The following SLC39A11 variants were observed in gnomAD, a reference collection of about 807,000 sequenced individuals.
SLC39A11 encodes zinc transporter ZIP11.
SLC39A11 carries 33 observed loss-of-function variants against 36.1 expected under a neutral mutation model. That is an observed-to-expected ratio of 0.91 (90% confidence interval 0.69 to 1.22). SLC39A11 has a LOEUF of 1.22. Among genes scored for constraint, SLC39A11 ranks in the 50% most tolerant of loss-of-function variants. SLC39A11 has a pLI of 0.00. For missense variants in SLC39A11, 432 were observed against 430.3 expected (o/e 1.00, Z -0.03); for synonymous variants, 166 against 170.3 (o/e 0.97, Z 0.20).
chr17:72,662,774 A>G (rs909659699), intron 7 of SLC39A11, among the ~76,000 whole-genome samples: 2 of 151,018 alleles, frequency 1.3e-5, no homozygotes, highest in African/African-American at 4.9e-5. Context: ...GGAAAAGAAA[A>G]GAAAGGAAGG....
At chr17:72,698,702 T>C (rs1476126236) in intron 7 of SLC39A11, among the ~76,000 whole-genome samples, 1 of 152,228 alleles carries the variant, frequency 6.6e-6, no homozygotes, top group Non-Finnish European at 1.5e-5. Flanking sequence ...TTCTAGCTAC[T>C]GAGAAGACAG....
intron 6 of SLC39A11, among the ~76,000 whole-genome samples, chr17:72,761,429 T>C (rs746738460): frequency 3.9e-5 from 6 of 152,188 alleles, no homozygotes; most frequent in Admixed American, 6.5e-5. Context: ...CTCCCAATTT[T>C]TAAGTTCTAT....
At chr17:72,703,752 A>C (rs1049309302) in intron 7 of SLC39A11, among the ~76,000 whole-genome samples, 9 of 152,252 alleles carry the variant, frequency 5.9e-5, no homozygotes, top group Non-Finnish European at 4.4e-5. Flanking sequence ...GCTATCTTCT[A>C]TCTCAGTGTC....
intron 5 of SLC39A11, among the ~76,000 whole-genome samples, chr17:72,900,152 GAAAAGAAA>G (rs2082286739): frequency 5.2e-5 from 2 of 38,772 alleles, no homozygotes; most frequent in Non-Finnish European, 1.1e-4. Flanking sequence ...AAGAAAGAAA[GAAAAGAAA>G]GAAAGAAAGA....
chr17:72,762,554 G>C (rs1183241013), intron 6 of SLC39A11, among the ~76,000 whole-genome samples: 1 of 152,184 alleles, frequency 6.6e-6, no homozygotes, highest in Non-Finnish European at 1.5e-5. Flanking sequence ...GCAACCAGCA[G>C]CCCTTGGGGC....
chr17:73,072,844 C>T (rs1227005731), intron 3 of SLC39A11, among the ~76,000 whole-genome samples: 1 of 152,210 alleles, frequency 6.6e-6, no homozygotes, highest in South Asian at 2.1e-4. Flanking sequence ...TGCCAATGCA[C>T]AGCGGTTTTC....
intron 3 of SLC39A11, among the ~76,000 whole-genome samples, chr17:73,047,946 G>A (rs141982413): frequency 0.017 from 1,815 of 106,950 alleles, 46 homozygotes; most frequent in African/African-American, 0.063. Context: ...CCAATCTGGC[G>A]ACAGAGCAAG....
intron 6 of SLC39A11, among the ~76,000 whole-genome samples, chr17:72,749,275 G>A (rs541691738): frequency 6.6e-6 from 1 of 152,322 alleles, no homozygotes; most frequent in African/African-American, 2.4e-5. Context: ...CCGTGGTGTA[G>A]AAAAGCTTGC....
chr17:73,083,122 G>A (rs1244661972), intron 3 of SLC39A11, among the ~76,000 whole-genome samples: 2 of 151,824 alleles, frequency 1.3e-5, no homozygotes, highest in Non-Finnish European at 2.9e-5. Flanking sequence ...ATGTCTGCCT[G>A]AAGACCATGC....
intron 7 of SLC39A11, among the ~76,000 whole-genome samples, chr17:72,703,505 C>G (rs2072745795): frequency 6.6e-6 from 1 of 150,806 alleles, no homozygotes. Context: ...GGCGATACCC[C>G]ACAGGGTTCC....
intron 2 of SLC39A11, among the ~76,000 whole-genome samples, chr17:73,086,877 A>G (rs1236970310): frequency 6.6e-6 from 1 of 151,834 alleles, no homozygotes; most frequent in Non-Finnish European, 1.5e-5. Context: ...TACCAGCGAA[A>G]CCCCGTCTCT....
chr17:72,876,439 CA>C (rs79362764), intron 5 of SLC39A11, among the ~76,000 whole-genome samples: 1,595 of 152,258 alleles, frequency 0.01, 49 homozygotes, highest in East Asian at 0.069. Flanking sequence ...ACTTATGAAA[CA>C]GGCCTAATTG....
intron 4 of SLC39A11, among the ~76,000 whole-genome samples, chr17:72,955,907 G>T (rs934775145): frequency 6.6e-6 from 1 of 151,984 alleles, no homozygotes; most frequent in Non-Finnish European, 1.5e-5. Flanking sequence ...AAAGCGTGAC[G>T]TTCCATCCAC....
At chr17:72,713,663 C>T (rs960123299) in intron 7 of SLC39A11, among the ~76,000 whole-genome samples, 3 of 152,116 alleles carry the variant, frequency 2.0e-5, no homozygotes, top group Admixed American at 1.3e-4. Flanking sequence ...CATTCTCAAC[C>T]CCTATATCTA....
intron 6 of SLC39A11, among the ~76,000 whole-genome samples, chr17:72,822,743 T>C (rs114902282): frequency 0.037 from 5,557 of 151,044 alleles, 340 homozygotes; most frequent in African/African-American, 0.11. Context: ...TTTCTTTTTT[T>C]TTGCTCTGTC....
intron 7 of SLC39A11, among the ~76,000 whole-genome samples, chr17:72,716,955 G>A (rs143741998): frequency 0.013 from 1,787 of 135,610 alleles, 47 homozygotes; most frequent in African/African-American, 0.049. Flanking sequence ...GGAAACAGAG[G>A]GAGACCCTGT....
At chr17:72,869,733 A>G (rs1249742310) in intron 5 of SLC39A11, among the ~76,000 whole-genome samples, 1 of 152,186 alleles carries the variant, frequency 6.6e-6, no homozygotes, top group African/African-American at 2.4e-5. Context: ...CACATAGAGA[A>G]AAGAAACTGG....
intron 5 of SLC39A11, among the ~76,000 whole-genome samples, chr17:72,866,086 G>C (rs1234201245): frequency 6.6e-6 from 1 of 152,204 alleles, no homozygotes. Context: ...CTGCACAGCA[G>C]GGGGTGAGCG....
chr17:73,026,717 C>T (rs1033830022), intron 4 of SLC39A11, among the ~76,000 whole-genome samples: 4 of 151,808 alleles, frequency 2.6e-5, no homozygotes, highest in South Asian at 2.1e-4. Flanking sequence ...ATTGATGCGA[C>T]GCTAACATGA....
Sources: gnomAD v4.1 joint callset for allele counts (sites outside exome capture counted in the v4.1 genomes callset) on GRCh38, gnomAD v4.1.1 for gene constraint, MANE v1.5 for transcripts, NCBI Gene and HGNC (gene_info 2026-07-23, HGNC 2026-07-21) for gene names.